The following CYREN variants were observed in gnomAD, a reference collection of about 807,000 sequenced individuals.
CYREN encodes cell cycle regulator of non-homologous end joining.
CYREN carries 7 observed loss-of-function variants against 9.7 expected under a neutral mutation model. The observed-to-expected ratio is 0.72, with a 90% CI of 0.41 to 1.36. The LOEUF is 1.36. Ranked by LOEUF, CYREN falls within the 40% of genes most tolerant of loss-of-function variation. The pLI is 0.01. For synonymous variants in CYREN, 76 were observed against 77.9 expected (o/e 0.98, Z 0.13); for missense variants, 215 against 198.1 (o/e 1.09, Z -0.51).
chr7:135,095,127 G>A lies in CYREN; in HGVS notation n.357-545C>T, dbSNP rs952007810. Among the ~76,000 whole-genome samples the A allele has an allele frequency of 3.2e-4, 49 of 152,220 alleles. 1 individual carries two copies. The highest frequency in any genetic ancestry group is 2.1e-4 in the South Asian group (1 of 4,824). On this transcript the variant is annotated intron_variant and non_coding_transcript_variant, in intron 2 of 2. Coordinates refer to the CYREN transcript ENST00000459937. Reference sequence around the variant, plus strand: ...TTTACCAGAACCTTATCCTATTTTCGGGGAGGGATATTTCTGCAACTCCAG... The same window carrying A: ...TTTACCAGAACCTTATCCTATTTTCAGGGAGGGATATTTCTGCAACTCCAG...
intron 2 of CYREN, among the ~76,000 whole-genome samples, chr7:135,095,664 T>C (rs2116955042): frequency 6.6e-6 from 1 of 152,324 alleles, no homozygotes; most frequent in East Asian, 1.9e-4. Flanking sequence ...AGCAACACTG[T>C]TTTTTGTGCT....
intron 2 of CYREN, among the ~76,000 whole-genome samples, chr7:135,115,177 G>A (rs185721700): frequency 1.3e-4 from 19 of 151,990 alleles, no homozygotes; most frequent in African/African-American, 3.1e-4. Flanking sequence ...ACTCCCCTCC[G>A]CAGCTTTACT....
downstream of CYREN, among the ~76,000 whole-genome samples, chr7:135,161,783 G>A (rs138586724): frequency 2.1e-3 from 320 of 152,274 alleles, 1 homozygote; most frequent in African/African-American, 7.0e-3. This position sits in a 1 kb window ranked among gnomAD's most constrained non-coding sequence, Gnocchi z 4.1. Context: ...CAGAGCCTTT[G>A]ACAGTGCCAC....
In CYREN at chr7:135,122,348, A is replaced by G. The variant is rs190452118; in HGVS notation, n.357-27766T>C. Among the ~76,000 whole-genome samples the G allele has an allele frequency of 4.2e-4, 64 of 152,260 alleles. 1 individual carries two copies. The East Asian group carries it at 7.9e-3, about 19-fold the overall frequency. On this transcript the variant is annotated intron_variant and non_coding_transcript_variant, in intron 2 of 2. Transcript: ENST00000459937. Reference sequence around the variant, plus strand: ...GTGGGGCTTTCCTGCAGGAACTTCAATAACTCCAGCCAGAGGCTCAGGGAC... The same window carrying G: ...GTGGGGCTTTCCTGCAGGAACTTCAGTAACTCCAGCCAGAGGCTCAGGGAC...
chr7:135,124,826 A>G (rs897649227), intron 2 of CYREN, among the ~76,000 whole-genome samples: 2 of 152,220 alleles, frequency 1.3e-5, no homozygotes, highest in East Asian at 1.9e-4. Context: ...TTAAAGCAGA[A>G]ATCAAGAAGT....
chr7:135,145,055 C>T (rs1287623170), intron 2 of CYREN, among the ~76,000 whole-genome samples: 1 of 148,562 alleles, frequency 6.7e-6, no homozygotes, highest in Non-Finnish European at 1.5e-5. Context: ...TCAAAACCAC[C>T]AAAATAATTT....
In CYREN at chr7:135,167,050, C is replaced by CGTT. The variant is rs1562930913; in HGVS notation, c.214-180_214-179insAAC. On this transcript the variant is annotated intron_variant, in intron 3 of 3. Transcript: ENST00000393114. ...TCACCCCACTCCTTCCCCTGACCCC[C>CGTT]TCTTCACAGCTCTTGAAGAAACCAG... 48 of 985,208 alleles carry CGTT rather than the reference C, an allele frequency of 4.9e-5. No individual in the cohort carries two copies. The African/African-American group carries it at 8.2e-4, about 17-fold the overall frequency. The allele number at this position is 985,208 out of a possible 1,614,324, so 61.0% of individuals were successfully genotyped here.
intron 2 of CYREN, chr7:135,148,068 G>C: frequency 2.2e-6 from 1 of 456,196 alleles, no homozygotes; most frequent in Non-Finnish European, 4.4e-6. Flanking sequence ...ATGTACCAAA[G>C]TTCAGAGAGC....
At chr7:135,098,888 A>T (rs1823329458) in intron 2 of CYREN, among the ~76,000 whole-genome samples, 1 of 152,192 alleles carries the variant, frequency 6.6e-6, no homozygotes, top group African/African-American at 2.4e-5. Flanking sequence ...CAATAATAAT[A>T]TGACATATAA....
At chr7:135,171,279 C>T (rs1830639440), upstream of CYREN, among the ~76,000 whole-genome samples, 1 of 151,542 alleles carries the variant, frequency 6.6e-6, no homozygotes, top group Non-Finnish European at 1.5e-5. Flanking sequence ...AAGAGAGAGA[C>T]CCTCTCATAT....
chr7:135,169,464 ACTC>A (rs1439480627), intron 1 of CYREN: 1 of 151,862 alleles, frequency 6.6e-6, no homozygotes, highest in Non-Finnish European at 1.5e-5. Flanking sequence ...CGATTTCTCT[ACTC>A]TTCTATGGTG....
chr7:135,142,739 A>C (rs373692522), intron 2 of CYREN, among the ~76,000 whole-genome samples: 1 of 152,310 alleles, frequency 6.6e-6, no homozygotes, highest in African/African-American at 2.4e-5. Context: ...GCACCAAAAA[A>C]TAAAAACGAA....
At chr7:135,126,352 T>C (rs192012321) in intron 2 of CYREN, among the ~76,000 whole-genome samples, 105 of 152,228 alleles carry the variant, frequency 6.9e-4, no homozygotes, top group African/African-American at 2.4e-3. Context: ...GAAGGACCTC[T>C]TCAAGGAGAA....
intron 2 of CYREN, among the ~76,000 whole-genome samples, chr7:135,106,506 G>T (rs1016613280): frequency 3.3e-5 from 5 of 152,162 alleles, no homozygotes; most frequent in African/African-American, 1.2e-4. Flanking sequence ...TTTATGTGAT[G>T]AATCACATTT....
intron 2 of CYREN, chr7:135,134,706 T>A (rs911475096): frequency 7.4e-6 from 6 of 808,584 alleles, no homozygotes; most frequent in African/African-American, 5.2e-5. Context: ...TTCTAAATGA[T>A]GGTAAAATTC....
rs878884927 is a variant in CYREN, at chr7:135,166,819, T to A, written c.266A>T (p.Asn89Ile). 1.9e-6 allele frequency: 3 copies of A among 1,614,034 alleles called. No homozygotes were observed. The highest frequency in any genetic ancestry group is 2.5e-6 in the Non-Finnish European group (3 of 1,180,030). ...GGAGCAGGGAGGGGAGTGCTCTGGGTTATCAGCCCCCGCCAGGGCCGGCTG... is the reference window on the plus strand; with the variant it reads ...GGAGCAGGGAGGGGAGTGCTCTGGGATATCAGCCCCCGCCAGGGCCGGCTG... ...CEQPALAGAD[N>I]PEHSPPCSVS... is the part of the protein sequence containing the mutation. Residue 89 changes from asparagine (N) to isoleucine (I), a missense_variant, in exon 4 of 4, where the codon AAC (asparagine) becomes ATC (isoleucine). By Grantham distance (149) the Asn-to-Ile change is moderately radical (BLOSUM62 -3). Coordinates refer to ENST00000393114, the MANE Select transcript of CYREN (RefSeq NM_024033.4).
At chr7:135,171,921 C>A (rs1287543978), upstream of CYREN, among the ~76,000 whole-genome samples, 1 of 152,276 alleles carries the variant, frequency 6.6e-6, no homozygotes, top group Non-Finnish European at 1.5e-5. Context: ...TTAACACTGG[C>A]TGAACACCGG....
chr7:135,123,897 T>C (rs1827490805), intron 2 of CYREN, among the ~76,000 whole-genome samples: 1 of 152,102 alleles, frequency 6.6e-6, no homozygotes, highest in African/African-American at 2.4e-5. Context: ...AAAGAAGCAC[T>C]AAATATGAAA....
upstream of CYREN, among the ~76,000 whole-genome samples, chr7:135,171,347 T>A (rs1830649120): frequency 3.5e-5 from 5 of 142,052 alleles, no homozygotes; most frequent in East Asian, 4.5e-4. Context: ...GGAAGTGAAA[T>A]CAAAGACAGG....
Sources: gnomAD v4.1 joint callset for allele counts (sites outside exome capture counted in the v4.1 genomes callset) on GRCh38, gnomAD v4.1.1 for gene constraint, Gnocchi (gnomAD v3.1) non-coding constraint, MANE v1.5 for transcripts, NCBI Gene and HGNC (gene_info 2026-07-23, HGNC 2026-07-21) for gene names.